ZNF423: variants seen among roughly 807,000 people sequenced by gnomAD.
ZNF423 encodes the protein Ebf-associated zinc finger protein.
In ZNF423, 12 loss-of-function variants were observed where a neutral mutation model predicts 95.8. That is an observed-to-expected ratio of 0.13 (90% CI 0.08 to 0.20). The LOEUF (loss-of-function observed/expected upper bound fraction) is 0.20, where lower values mean the gene tolerates loss of function less well. ZNF423 is among the 10% of genes least tolerant of loss of function. The pLI is 1.00. For missense variants in ZNF423, 1,316 were observed against 1,737.1 expected (o/e 0.76, Z 4.31); for synonymous variants, 749 against 711.9 (o/e 1.05, Z -0.83).
chr16:49,790,840 A>C (rs1006991208), intron 1 of ZNF423, among the ~76,000 whole-genome samples: 1 of 152,242 alleles, frequency 6.6e-6, no homozygotes, highest in Non-Finnish European at 1.5e-5. Flanking sequence ...GGGAGGATTA[A>C]ATGGGATAAC....
At chr16:49,815,904 ATATATATATATTT>A (rs1177722023) in intron 1 of ZNF423, among the ~76,000 whole-genome samples, 13 of 46,586 alleles carry the variant, frequency 2.8e-4, no homozygotes, top group African/African-American at 6.2e-4. Flanking sequence ...ATATATATAT[ATATATATATATTT>A]TTTTTTTTTT....
At chr16:49,516,921 A>T (rs1229251763) in intron 7 of ZNF423, among the ~76,000 whole-genome samples, 1 of 152,142 alleles carries the variant, frequency 6.6e-6, no homozygotes, top group Non-Finnish European at 1.5e-5. Flanking sequence ...CCTTCTGGCT[A>T]CCTGTGTCAC....
intron 3 of ZNF423, among the ~76,000 whole-genome samples, chr16:49,701,113 G>A (rs1471765745): frequency 2.0e-5 from 3 of 152,326 alleles, no homozygotes; most frequent in East Asian, 3.9e-4. Context: ...AATGAAAAAA[G>A]GCAGCTTAAA....
chr16:49,631,614 G>A (rs995046704), intron 4 of ZNF423, among the ~76,000 whole-genome samples: 1 of 152,210 alleles, frequency 6.6e-6, no homozygotes, highest in Non-Finnish European at 1.5e-5. Context: ...AGCAACTGCA[G>A]AGGGGGGCCC....
chr16:49,819,054 C>A (rs1036870902), intron 1 of ZNF423, among the ~76,000 whole-genome samples: 2 of 151,668 alleles, frequency 1.3e-5, no homozygotes, highest in African/African-American at 4.8e-5. Context: ...GAGATAGAGA[C>A]CATCCTGGCC....
At chr16:49,498,316 A>C (rs1458443639) in intron 7 of ZNF423, among the ~76,000 whole-genome samples, 2 of 152,370 alleles carry the variant, frequency 1.3e-5, no homozygotes, top group East Asian at 3.9e-4. Flanking sequence ...GCACCCATGC[A>C]GTCTGTCTGC....
At chr16:49,757,245 G>A (rs753745066) in intron 2 of ZNF423, among the ~76,000 whole-genome samples, 9 of 152,100 alleles carry the variant, frequency 5.9e-5, no homozygotes, top group Non-Finnish European at 1.0e-4. Context: ...CTGTTTCCAT[G>A]TGCTATTGGA....
At chr16:49,815,273 C>G (rs1345869394) in intron 1 of ZNF423, among the ~76,000 whole-genome samples, 1 of 152,090 alleles carries the variant, frequency 6.6e-6, no homozygotes, top group Non-Finnish European at 1.5e-5. Context: ...GCTGCTCCAC[C>G]AAAACGAACC....
intron 4 of ZNF423, among the ~76,000 whole-genome samples, chr16:49,626,981 C>CT (rs1972305201): frequency 1.2e-5 from 1 of 80,108 alleles, no homozygotes; most frequent in Non-Finnish European, 2.2e-5. Context: ...CATCCATATA[C>CT]CCATCCATCC....
At chr16:49,632,996 C>T (rs1430027692) in intron 4 of ZNF423, among the ~76,000 whole-genome samples, 1 of 152,222 alleles carries the variant, frequency 6.6e-6, no homozygotes, top group Non-Finnish European at 1.5e-5. Context: ...AGCCTGAGCA[C>T]AGCTGTGACC....
intron 5 of ZNF423, among the ~76,000 whole-genome samples, chr16:49,586,892 A>T (rs1970858279): frequency 6.6e-6 from 1 of 152,064 alleles, no homozygotes; most frequent in African/African-American, 2.4e-5. Flanking sequence ...GGACAGCACC[A>T]AGGCACTTTG....
In ZNF423 at chr16:49,638,025, G is replaced by T; in HGVS notation, c.1151C>A (p.Ala384Asp). ...SMSSATPDSS[A>D]SVERGSTPDS... is the part of the protein sequence containing the mutation. ...CGGGGTGGAGCCACGCTCCACAGAG[G>T]CGCTGGAGTCGGGTGTGGCGCTGCT... Residue 384 changes from alanine to aspartate, a missense_variant, in exon 4 of 8, where the codon GCC (alanine) becomes GAC (aspartate). This residue lies in a region of ZNF423 where 399 missense variants were observed against 478.5 expected (regional missense o/e 0.83). Transcript: ENST00000563137. The surrounding 1 kb of genome is among the most constrained non-coding windows in gnomAD (Gnocchi z 5.6). 6.2e-7 allele frequency: 1 copy of T among 1,614,138 alleles called. No individual in the cohort carries two copies. Among genetic ancestry groups the T allele is most frequent in the Non-Finnish European group, 8.5e-7 (1 of 1,180,042 alleles).
At chr16:49,533,758 T>C (rs1191636933) in intron 5 of ZNF423, among the ~76,000 whole-genome samples, 4 of 152,212 alleles carry the variant, frequency 2.6e-5, no homozygotes, top group Non-Finnish European at 5.9e-5. Flanking sequence ...AGGGTGACAC[T>C]GGGCCAAGCG....
At chr16:49,646,816 C>T (rs1807308762) in intron 3 of ZNF423, among the ~76,000 whole-genome samples, 4 of 152,156 alleles carry the variant, frequency 2.6e-5, no homozygotes, top group Admixed American at 2.6e-4. Context: ...TTGCGATCCA[C>T]CTGCCTTGGC....
At chr16:49,580,989 G>A (rs1438301413) in intron 5 of ZNF423, among the ~76,000 whole-genome samples, 1 of 152,160 alleles carries the variant, frequency 6.6e-6, no homozygotes, top group Admixed American at 6.5e-5. Flanking sequence ...GGGCTGAGTA[G>A]ATGTACGCTC....
chr16:49,658,804 A>G (rs2030035739), intron 3 of ZNF423, among the ~76,000 whole-genome samples: 1 of 152,174 alleles, frequency 6.6e-6, no homozygotes, highest in East Asian at 1.9e-4. Context: ...AGGCTGGGGC[A>G]TGTGGGTCCC....
intron 5 of ZNF423, among the ~76,000 whole-genome samples, chr16:49,544,868 C>T (rs758333981): frequency 6.6e-6 from 1 of 152,260 alleles, no homozygotes; most frequent in Non-Finnish European, 1.5e-5. Context: ...AGCGCCCAAG[C>T]GCAGGGTGCA....
At chr16:49,643,439 C>G (rs1031857974) in intron 3 of ZNF423, among the ~76,000 whole-genome samples, 1 of 152,106 alleles carries the variant, frequency 6.6e-6, no homozygotes, top group East Asian at 1.9e-4. Context: ...AACCAGGGCA[C>G]AGAGCGACTG....
intron 3 of ZNF423, among the ~76,000 whole-genome samples, chr16:49,719,703 C>A (rs2032809558): frequency 6.6e-6 from 1 of 152,190 alleles, no homozygotes; most frequent in African/African-American, 2.4e-5. Flanking sequence ...TCCTTGCTAC[C>A]CCTTCACCTT....
Sources: gnomAD v4.1 joint callset for allele counts (sites outside exome capture counted in the v4.1 genomes callset) on GRCh38, gnomAD v4.1.1 for gene constraint, gnomAD v4.1.1 regional missense constraint, Gnocchi (gnomAD v3.1) non-coding constraint, MANE v1.5 for transcripts, NCBI Gene and HGNC (gene_info 2026-07-23, HGNC 2026-07-21) for gene names.